IL6R: variants seen among roughly 807,000 people sequenced by gnomAD.
IL6R encodes the protein interleukin 6 receptor.
In IL6R, 38 loss-of-function variants were observed where a neutral mutation model predicts 48.3. That is an observed-to-expected ratio of 0.79 (90% CI 0.61 to 1.03). IL6R has a LOEUF of 1.03. Ranked by LOEUF, IL6R falls within the 50% of genes least tolerant of loss-of-function variation. The probability of loss-of-function intolerance (pLI) is 0.00; values close to 1 mark genes in which losing one functional copy is unlikely to be tolerated. For synonymous variants in IL6R, 264 were observed against 256.2 expected (o/e 1.03, Z -0.29); for missense variants, 534 against 618.3 (o/e 0.86, Z 1.45).
chr1:154,455,068 C>T (rs945316993), intron 9 of IL6R, among the ~76,000 whole-genome samples: 6 of 152,138 alleles, frequency 3.9e-5, no homozygotes, highest in African/African-American at 1.4e-4. Context: ...TGCACACCAC[C>T]CTGCCTAGCT....
At chr1:154,418,742 A>C (rs1365494815) in intron 1 of IL6R, among the ~76,000 whole-genome samples, 1 of 152,092 alleles carries the variant, frequency 6.6e-6, no homozygotes, top group Non-Finnish European at 1.5e-5. Context: ...TTTGGAGTCC[A>C]AGGGGAGGCA....
At chr1:154,458,121 C>T (rs944492437) in intron 9 of IL6R, among the ~76,000 whole-genome samples, 18 of 152,084 alleles carry the variant, frequency 1.2e-4, no homozygotes, top group African/African-American at 4.3e-4. Flanking sequence ...CGCCCACCAC[C>T]ACGCCTGGCT....
In IL6R at chr1:154,448,166, A is replaced by G; in HGVS notation, c.991A>G (p.Met331Val). Residue 331 changes from methionine to valine, a missense_variant, in exon 7 of 10, where the codon ATG becomes GTG. Physicochemically the swap from Met to Val is conservative, Grantham distance 21 (BLOSUM62 1). Coordinates refer to ENST00000368485, the MANE Select transcript of IL6R (RefSeq NM_000565.4). ...AGCTGAGAACGAGGTGTCCACCCCC[A>G]TGCAGGTGAGCTCCTGTTCTTGTAA... ...PPAENEVSTPMQALTTNKDDD... is the reference protein window; with the variant it reads ...PPAENEVSTPVQALTTNKDDD... 2.5e-6 allele frequency: 4 copies of G among 1,613,300 alleles called. No homozygotes were observed. Among genetic ancestry groups the G allele is most frequent in the Non-Finnish European group, 3.4e-6 (4 of 1,179,434 alleles).
At chr1:154,421,544 A>C (rs1269048144) in intron 1 of IL6R, among the ~76,000 whole-genome samples, 5 of 152,196 alleles carry the variant, frequency 3.3e-5, no homozygotes, top group African/African-American at 1.2e-4. Flanking sequence ...CACACCCTCC[A>C]TGTTCCCCTG....
chr1:154,465,060 G>C, intron 9 of IL6R, 74 bp from the exon 10 acceptor site: 1 of 1,585,466 alleles, frequency 6.3e-7, no homozygotes, highest in South Asian at 1.1e-5. Flanking sequence ...CCAGCTGTTG[G>C]TGTTTTCCAC....
chr1:154,445,195 G>C (rs1210176904), intron 6 of IL6R: 3 of 439,618 alleles, frequency 6.8e-6, no homozygotes, highest in South Asian at 1.6e-5. Context: ...TGGTTTAAAG[G>C]CTGCGAGGAA....
In IL6R at chr1:154,405,659, T is replaced by TGCCCTGCTGGCC. The variant is rs1553302527; in HGVS notation, c.33_44dup (p.Leu12_Ala15dup). 1 of 1,532,730 alleles carries TGCCCTGCTGGCC rather than the reference T, an allele frequency of 6.5e-7. No homozygotes were observed. Among genetic ancestry groups the TGCCCTGCTGGCC allele is most frequent in the Non-Finnish European group, 8.7e-7 (1 of 1,147,066 alleles). 94.9% of individuals were successfully genotyped at this position (1,532,730 alleles called of 1,614,324 possible). A position where few individuals can be genotyped will look rare whatever the true frequency, so the allele number is the denominator to read the frequency against. ...TGGCCGTCGGCTGCGCGCTGCTGGC[T>TGCCCTGCTGGCC]GCCCTGCTGGCCGCGCCGGGAGCGG... On this transcript the variant is annotated inframe_insertion, in exon 1 of 10. Transcript: ENST00000368485. This position sits in a 1 kb window ranked among gnomAD's most constrained non-coding sequence, Gnocchi z 5.2.
chr1:154,457,050 T>C (rs1690925004), intron 9 of IL6R, among the ~76,000 whole-genome samples: 2 of 151,696 alleles, frequency 1.3e-5, no homozygotes, highest in African/African-American at 4.8e-5. Flanking sequence ...GGTATTTTCA[T>C]GGTAGCTAAC....
intron 6 of IL6R, among the ~76,000 whole-genome samples, chr1:154,447,536 TACATATATATACACATAC>T (rs200639221): frequency 7.1e-5 from 8 of 112,226 alleles, no homozygotes; most frequent in Admixed American, 3.2e-4. Context: ...TATATACACA[TACATATATATACACATAC>T]ACATATATAT....
At position 154,464,447 on chromosome 1, in the gene IL6R, G is replaced by A. The variant is rs573374229; in HGVS notation, c.1161-687G>A. ...GGGGATTACAGGCGTGAGCCACTGC[G>A]CCCAGCCTATTTTTCTTTTTTTTAA... On this transcript the variant is annotated intron_variant, in intron 9 of 9. Transcript: ENST00000368485. Among the ~76,000 whole-genome samples, 6 of 152,140 alleles carry A rather than the reference G, an allele frequency of 3.9e-5. No individual in the cohort carries two copies. In the East Asian group the frequency reaches 5.8e-4, roughly 15 times the overall value.
chr1:154,433,750 A>T (rs1689439469), intron 3 of IL6R, among the ~76,000 whole-genome samples: 2 of 148,866 alleles, frequency 1.3e-5, no homozygotes. Context: ...TTTTTTTGAG[A>T]TGGAGTCTCT....
At chr1:154,414,530 G>A (rs995433485) in intron 1 of IL6R, 56 of 782,612 alleles carry the variant, frequency 7.2e-5, no homozygotes, top group Middle Eastern at 4.9e-4. Flanking sequence ...CATCTTTTTG[G>A]GTGTGTTGAA....
chr1:154,423,125 G>A (rs558588677), intron 1 of IL6R, among the ~76,000 whole-genome samples: 4 of 151,706 alleles, frequency 2.6e-5, no homozygotes, highest in East Asian at 3.9e-4. Context: ...GAAGGTGCTC[G>A]GAAGCTGCTT....
In IL6R at chr1:154,439,465, C is replaced by T. The variant is rs1214160691; in HGVS notation, c.949+3355C>T. On this transcript the variant is annotated intron_variant, in intron 6 of 9. Coordinates refer to ENST00000368485, the MANE Select transcript of IL6R (RefSeq NM_000565.4). ...GAGTAGCTGGGACTACAGGCACCTG[C>T]CACCATGACTGGCTAATTTTTATAT... Among the ~76,000 whole-genome samples, 7 of 152,248 alleles carry T rather than the reference C, an allele frequency of 4.6e-5. No individual in the cohort carries two copies. In the East Asian group the frequency reaches 9.7e-4, roughly 21 times the overall value.
chr1:154,405,934 C>G lies in IL6R; in HGVS notation c.85+220C>G, dbSNP rs968683311. Among the ~76,000 whole-genome samples, 5 of 152,130 alleles carry G rather than the reference C, an allele frequency of 3.3e-5. No homozygotes were observed. Among genetic ancestry groups the G allele is most frequent in the Non-Finnish European group, 7.4e-5 (5 of 67,998 alleles). ...TTGCTCCCTTGGTCCGGAGCGCTCC[C>G]CGGAATGCCCGGTGAAGCTGTGCGG... On this transcript the variant is annotated intron_variant, in intron 1 of 9. Transcript: ENST00000368485. The surrounding 1 kb of genome is among the most constrained non-coding windows in gnomAD (Gnocchi z 5.2).
At chr1:154,451,451 G>A (rs1690574688) in intron 8 of IL6R, among the ~76,000 whole-genome samples, 1 of 151,972 alleles carries the variant, frequency 6.6e-6, no homozygotes, top group Non-Finnish European at 1.5e-5. Context: ...CTGGGAGGCA[G>A]AGGTTGCAGT....
intron 8 of IL6R, among the ~76,000 whole-genome samples, chr1:154,451,277 G>A (rs917619457): frequency 1.3e-5 from 2 of 152,160 alleles, no homozygotes; most frequent in Non-Finnish European, 2.9e-5. Flanking sequence ...CAGCACTTTG[G>A]GAGGCCGAGG....
At chr1:154,449,563 G>C (rs1165983257) in intron 7 of IL6R, among the ~76,000 whole-genome samples, 1 of 152,118 alleles carries the variant, frequency 6.6e-6, no homozygotes, top group Non-Finnish European at 1.5e-5. Context: ...GACATAGCTC[G>C]TAAGTGGTGG....
chr1:154,410,564 G>A (rs1374678898), intron 1 of IL6R, among the ~76,000 whole-genome samples: 1 of 152,114 alleles, frequency 6.6e-6, no homozygotes, highest in African/African-American at 2.4e-5. Flanking sequence ...AGGTTTTTTT[G>A]TGTAGTTAAT....
Sources: gnomAD v4.1 joint callset for allele counts (sites outside exome capture counted in the v4.1 genomes callset) on GRCh38, gnomAD v4.1.1 for gene constraint, Gnocchi (gnomAD v3.1) non-coding constraint, MANE v1.5 for transcripts, NCBI Gene and HGNC (gene_info 2026-07-23, HGNC 2026-07-21) for gene names.